The following COG7 variants were observed in gnomAD, a reference collection of about 807,000 sequenced individuals.
The protein encoded by COG7 is component of oligomeric golgi complex 7.
Under a neutral mutation model 91.5 loss-of-function variants are expected in COG7, and 49 were observed. That is an observed-to-expected ratio of 0.54 (90% CI 0.43 to 0.68). The LOEUF (loss-of-function observed/expected upper bound fraction) is 0.68. COG7 is among the 30% of genes least tolerant of loss of function. The pLI, the probability that COG7 is intolerant of heterozygous loss-of-function variation, is 0.00. For synonymous variants in COG7, 365 were observed against 388.7 expected (o/e 0.94, Z 0.72); for missense variants, 895 against 961.3 (o/e 0.93, Z 0.91).
chr16:23,431,811 GAAAAAAA>G (rs1173401499), intron 6 of COG7, among the ~76,000 whole-genome samples: 26 of 43,258 alleles, frequency 6.0e-4, no homozygotes, highest in Admixed American at 9.1e-4. Context: ...TCTGTCTGAA[GAAAAAAA>G]AAAAAAAAAA....
Position 23,453,136 on chromosome 16 carries a change from C to A in COG7, c.-142G>T, listed in dbSNP as rs983671985. ...CAGAAACGCCAGGACGGGTAACTTG[C>A]CCCTTTGCGCTTCCCCGCTCAGCGC... On this transcript the variant is annotated 5_prime_UTR_variant, in exon 1 of 17. Transcript: ENST00000307149. 1 of 1,462,812 alleles carries A rather than the reference C, an allele frequency of 6.8e-7. No individual in the cohort carries two copies. The highest frequency in any genetic ancestry group is 2.5e-5 in the East Asian group (1 of 40,058). The allele number at this position is 1,462,812 out of a possible 1,614,324, so 90.6% of individuals were successfully genotyped here. A position where few individuals can be genotyped will look rare whatever the true frequency, so the allele number is the denominator to read the frequency against.
Position 23,452,975 on chromosome 16 carries a change from A to C in COG7, c.20T>G (p.Leu7Arg), listed in dbSNP as rs770101714. The C allele has an allele frequency of 6.2e-7, 1 of 1,614,094 alleles. No homozygotes were observed. Among genetic ancestry groups the C allele is most frequent in the South Asian group, 1.1e-5 (1 of 91,084 alleles). ...CTCCTTCACGTCGAAGTCGTCTGCC[A>C]GGAACTTGGAGAAGTCCATGGCGGA... Reference protein sequence around the residue: MDFSKFLADDFDVKEWI... With the variant: MDFSKFRADDFDVKEWI... Residue 7 changes from leucine (L) to arginine (R), a missense_variant, in exon 1 of 17, where the codon CTG becomes CGG. Coordinates refer to ENST00000307149, the MANE Select transcript of COG7 (RefSeq NM_153603.4).
rs191591988 is a variant in COG7 at position 23,388,727 on chromosome 16, C to T, written c.*193G>A. ...ATGTTGGTCAGGCTGGTCTCGAACTCCTGGCTTCATGATCCATCTGGCTTG... is the reference window on the plus strand; with the variant it reads ...ATGTTGGTCAGGCTGGTCTCGAACTTCTGGCTTCATGATCCATCTGGCTTG... On this transcript the variant is annotated 3_prime_UTR_variant, in exon 17 of 17. Transcript: ENST00000307149. 200 of 918,316 alleles carry T rather than the reference C, an allele frequency of 2.2e-4. No homozygotes were observed. Among genetic ancestry groups the T allele is most frequent in the Non-Finnish European group, 2.9e-4 (186 of 649,232 alleles). The allele number at this position is 918,316 out of a possible 1,614,324, so 56.9% of individuals were successfully genotyped here.
At position 23,403,693 on chromosome 16, in the gene COG7, C is replaced by T. The variant is rs1423961627; in HGVS notation, c.1803+1G>A. The T allele has an allele frequency of 5.0e-6, 8 of 1,613,962 alleles. No homozygotes were observed. In the African/African-American group the frequency reaches 5.3e-5, roughly 11 times the overall value. Reference sequence around the variant, plus strand: ...ATTGATGTGGTCAGTGAGAAACTCACGTCCATCTTCGAAATAAGCAACAGC... The same window carrying T: ...ATTGATGTGGTCAGTGAGAAACTCATGTCCATCTTCGAAATAAGCAACAGC... On this transcript the variant is annotated splice_donor_variant, in intron 13 of 16. Transcript: ENST00000307149. LOFTEE classifies it high-confidence loss of function.
At chr16:23,435,228 G>T (rs1005563998) in intron 4 of COG7, among the ~76,000 whole-genome samples, 7 of 152,050 alleles carry the variant, frequency 4.6e-5, no homozygotes, top group Non-Finnish European at 1.0e-4. Context: ...TTAGCTGAGC[G>T]TGGTGGTGCA....
chr16:23,422,169 A>C (rs1343500709), intron 7 of COG7, among the ~76,000 whole-genome samples: 1 of 152,068 alleles, frequency 6.6e-6, no homozygotes, highest in Non-Finnish European at 1.5e-5. Flanking sequence ...AAAATGAGTC[A>C]GCCTTGGTGG....
chr16:23,451,717 C>T (rs368737039), intron 1 of COG7, among the ~76,000 whole-genome samples: 4 of 133,998 alleles, frequency 3.0e-5, no homozygotes, highest in African/African-American at 1.2e-4. Context: ...AGGAATGAGA[C>T]CCTGTCTCAA....
At chr16:23,392,266 C>G in intron 16 of COG7, 114 bp downstream of exon 16, 1 of 1,550,966 alleles carries the variant, frequency 6.4e-7, no homozygotes, top group South Asian at 1.2e-5. Context: ...GAGCCAAATC[C>G]ACAGCTGAAG....
intron 13 of COG7, among the ~76,000 whole-genome samples, chr16:23,399,322 C>T (rs1292157009): frequency 2.0e-5 from 3 of 151,788 alleles, no homozygotes; most frequent in Non-Finnish European, 2.9e-5. Flanking sequence ...TTCTTGCCTG[C>T]GAATGCTCTT....
rs369307885 is a variant in COG7 at position 23,417,076 on chromosome 16, C to A, written c.1183G>T (p.Val395Leu). 6.2e-7 allele frequency: 1 copy of A among 1,614,222 alleles called. No individual in the cohort carries two copies. The change falls in exon 9 of 17, where the codon GTG (valine) becomes TTG (leucine). Residue 395 changes from valine (V) to leucine (L), a missense_variant. Coordinates refer to ENST00000307149, the MANE Select transcript of COG7 (RefSeq NM_153603.4). ...GACGCCAGACCAAACAGCTTGTTCA[C>A]GGAGTGGCTCAGCTCCTGCACACAG... is the stretch of plus-strand genomic sequence containing the variant. ...IDCVQELSHS[V>L]NKLFGLASAA...
chr16:23,416,292 G>C (rs1360997330), intron 9 of COG7: 2 of 152,896 alleles, frequency 1.3e-5, no homozygotes, highest in African/African-American at 4.8e-5. Context: ...GCCACCCAAA[G>C]TGCTGGGATT....
intron 14 of COG7, among the ~76,000 whole-genome samples, chr16:23,396,977 A>T (rs537076343): frequency 2.0e-5 from 3 of 151,988 alleles, no homozygotes; most frequent in African/African-American, 7.3e-5. Context: ...TGGTGCAATC[A>T]CAGCTCACTG....
chr16:23,435,310 T>C (rs1963997359), intron 4 of COG7, among the ~76,000 whole-genome samples: 1 of 152,002 alleles, frequency 6.6e-6, no homozygotes, highest in South Asian at 2.1e-4. Flanking sequence ...GAGGTTGCAG[T>C]GAGCCAAGAT....
intron 4 of COG7, among the ~76,000 whole-genome samples, chr16:23,442,105 G>A (rs1190607805): frequency 1.3e-5 from 2 of 152,022 alleles, no homozygotes; most frequent in Non-Finnish European, 2.9e-5. Context: ...AGGCCGAGGC[G>A]AGGGGATCAC....
At chr16:23,425,847 T>C (rs1338479708) in intron 6 of COG7, among the ~76,000 whole-genome samples, 3 of 152,132 alleles carry the variant, frequency 2.0e-5, no homozygotes, top group East Asian at 3.8e-4. Context: ...TGGCCCCAAG[T>C]GTCTAGTTAT....
intron 7 of COG7, among the ~76,000 whole-genome samples, chr16:23,424,186 A>T (rs1963805876): frequency 6.6e-6 from 1 of 151,564 alleles, no homozygotes; most frequent in Admixed American, 6.6e-5. Context: ...AATTCCAGCT[A>T]CTTGGGAGGC....
At chr16:23,417,353 T>C (rs543574400) in intron 8 of COG7, 1 of 579,338 alleles carries the variant, frequency 1.7e-6, no homozygotes, top group Admixed American at 2.9e-5. Context: ...CGAATGTCTG[T>C]CTACTTGATC....
chr16:23,409,760 A>G (rs1963532670), intron 11 of COG7, among the ~76,000 whole-genome samples: 1 of 152,198 alleles, frequency 6.6e-6, no homozygotes, highest in African/African-American at 2.4e-5. Context: ...CCTGGCAGGT[A>G]TGAGAAGAGA....
intron 6 of COG7, among the ~76,000 whole-genome samples, chr16:23,430,420 C>A (rs1213659991): frequency 5.3e-5 from 8 of 149,962 alleles, no homozygotes; most frequent in Admixed American, 5.3e-4. Flanking sequence ...CAGGGCAAGA[C>A]CCTGTTTCAG....
Sources: allele counts gnomAD v4.1 joint callset (sites outside exome capture counted in the v4.1 genomes callset), GRCh38; gene constraint gnomAD v4.1.1; transcripts MANE v1.5; gene names NCBI Gene and HGNC (gene_info 2026-07-23, HGNC 2026-07-21).